The following WSCD2 variants were observed in gnomAD, a reference collection of about 807,000 sequenced individuals.
The protein encoded by WSCD2 is sialate:O-sulfotransferase 2.
A neutral mutation model predicts 55.7 loss-of-function variants in WSCD2; 28 were observed. The ratio of observed to expected loss-of-function variants is 0.50; its 90% CI spans 0.37 to 0.69. The LOEUF is 0.69. Among genes scored for constraint, WSCD2 ranks in the 30% least tolerant of loss-of-function variants. The probability of loss-of-function intolerance (pLI) is 0.00; values close to 1 mark genes in which losing one functional copy is unlikely to be tolerated. For synonymous variants in WSCD2, 301 were observed against 301.9 expected (o/e 1.00, Z 0.03); for missense variants, 616 against 762.1 (o/e 0.81, Z 2.26).
intron 1 of WSCD2, among the ~76,000 whole-genome samples, chr12:108,156,284 C>A (rs1878501143): frequency 6.6e-6 from 1 of 152,172 alleles, no homozygotes; most frequent in Admixed American, 6.5e-5. Context: ...CTCAGCCCAC[C>A]ATTTAGTACC....
At chr12:108,209,253 T>G (rs1885813558) in intron 3 of WSCD2, among the ~76,000 whole-genome samples, 1 of 152,188 alleles carries the variant, frequency 6.6e-6, no homozygotes, top group Non-Finnish European at 1.5e-5. Flanking sequence ...ATGTGTGAGC[T>G]CATTTTTGTC....
Position 108,129,842 on chromosome 12 carries a change from A to G in WSCD2, c.-636A>G, listed in dbSNP as rs1038682680. 6.6e-6 allele frequency: 1 copy of G among 152,200 alleles called. No individual in the cohort carries two copies. The highest frequency in any genetic ancestry group is 2.4e-5 in the African/African-American group (1 of 41,450). The allele number at this position is 152,200 out of a possible 1,614,324, so 9.4% of individuals were successfully genotyped here. ...AGGCGCCCACAGAGCGGGCGCGCCA[A>G]GCGGGACGCGGGAGTCGCAGAGAGG... is the stretch of plus-strand genomic sequence containing the variant. On this transcript the variant is annotated 5_prime_UTR_variant, in exon 1 of 9. Coordinates refer to ENST00000547525, the MANE Select transcript of WSCD2 (RefSeq NM_014653.4).
At chr12:108,180,418 A>G (rs1481489354) in intron 1 of WSCD2, among the ~76,000 whole-genome samples, 1 of 152,130 alleles carries the variant, frequency 6.6e-6, no homozygotes, top group Non-Finnish European at 1.5e-5. Context: ...TGTGCAGGAT[A>G]CTCTCGCTGT....
At chr12:108,147,550 C>T (rs1056551929) in intron 1 of WSCD2, among the ~76,000 whole-genome samples, 1 of 152,142 alleles carries the variant, frequency 6.6e-6, no homozygotes, top group African/African-American at 2.4e-5. Context: ...TTGGGCTGCC[C>T]TACTCATTTA....
At chr12:108,212,648 C>T (rs896648999) in intron 4 of WSCD2, among the ~76,000 whole-genome samples, 1 of 151,912 alleles carries the variant, frequency 6.6e-6, no homozygotes, top group African/African-American at 2.4e-5. Flanking sequence ...CAGACACACA[C>T]ACACACTGCT....
At chr12:108,238,880 C>T (rs1478177487) in intron 7 of WSCD2, among the ~76,000 whole-genome samples, 1 of 152,214 alleles carries the variant, frequency 6.6e-6, no homozygotes, top group Non-Finnish European at 1.5e-5. Flanking sequence ...CTGCCTGTTC[C>T]ATAGCTCTGT....
intron 1 of WSCD2, among the ~76,000 whole-genome samples, chr12:108,174,319 T>G (rs928783986): frequency 2.0e-5 from 3 of 152,200 alleles, no homozygotes; most frequent in Non-Finnish European, 4.4e-5. Flanking sequence ...ATTAAGAGAC[T>G]GGGCTCTGGT....
chr12:108,172,171 G>A (rs1372706900), intron 1 of WSCD2, among the ~76,000 whole-genome samples: 1 of 152,196 alleles, frequency 6.6e-6, no homozygotes, highest in Non-Finnish European at 1.5e-5. Context: ...TTACAGACAG[G>A]GGAATGGATG....
intron 1 of WSCD2, among the ~76,000 whole-genome samples, chr12:108,183,957 T>C (rs1275936284): frequency 6.6e-6 from 1 of 152,154 alleles, no homozygotes; most frequent in African/African-American, 2.4e-5. Context: ...ACAGGGTACA[T>C]GGAAGGGCCT....
chr12:108,167,831 T>C (rs1879817684), intron 1 of WSCD2, among the ~76,000 whole-genome samples: 1 of 152,218 alleles, frequency 6.6e-6, no homozygotes, highest in African/African-American at 2.4e-5. Context: ...ATGGGCCATG[T>C]TGATGGGCTT....
chr12:108,235,858 G>T (rs188640452), intron 7 of WSCD2, among the ~76,000 whole-genome samples: 50 of 152,238 alleles, frequency 3.3e-4, no homozygotes, highest in African/African-American at 1.1e-3. Context: ...CTCTCCCTGG[G>T]AGCTTGGAGT....
At chr12:108,216,854 C>T (rs1886899707) in intron 4 of WSCD2, among the ~76,000 whole-genome samples, 1 of 152,234 alleles carries the variant, frequency 6.6e-6, no homozygotes, top group Non-Finnish European at 1.5e-5. Flanking sequence ...CCCTGGCAGG[C>T]CCAGCCTGTC....
At chr12:108,221,380 C>A (rs1293690904) in intron 4 of WSCD2, among the ~76,000 whole-genome samples, 1 of 152,098 alleles carries the variant, frequency 6.6e-6, no homozygotes, top group Non-Finnish European at 1.5e-5. Context: ...CAGGGTTAAA[C>A]CCCATCTCTA....
intron 5 of WSCD2, among the ~76,000 whole-genome samples, chr12:108,226,658 A>G (rs1888127647): frequency 6.6e-6 from 1 of 152,180 alleles, no homozygotes; most frequent in South Asian, 2.1e-4. Context: ...TTGTTTCTAT[A>G]TTATGTGCAT....
chr12:108,247,889 C>T, intron 8 of WSCD2, 102 bp from the exon 9 acceptor site: 1 of 1,248,720 alleles, frequency 8.0e-7, no homozygotes, highest in Non-Finnish European at 1.1e-6. Flanking sequence ...AATTGTGTTA[C>T]CGTGTTGTGC....
At chr12:108,241,140 G>C (rs1445403014) in intron 8 of WSCD2, among the ~76,000 whole-genome samples, 1 of 152,172 alleles carries the variant, frequency 6.6e-6, no homozygotes, top group Admixed American at 6.5e-5. Flanking sequence ...GGAACTCTGG[G>C]TGGCGAGGCT....
intron 4 of WSCD2, among the ~76,000 whole-genome samples, chr12:108,222,475 A>G (rs1887635428): frequency 6.6e-6 from 1 of 152,246 alleles, no homozygotes; most frequent in African/African-American, 2.4e-5. Context: ...GATGACACAT[A>G]ATAGGTATTC....
At position 108,244,236 on chromosome 12, in the gene WSCD2, T is replaced by C. The variant is rs183175357; in HGVS notation, c.1345+3692T>C. On this transcript the variant is annotated intron_variant, in intron 8 of 8. Coordinates refer to ENST00000547525, the MANE Select transcript of WSCD2 (RefSeq NM_014653.4). ...TGCCCAGTTTGCAGACAGCAATCAA[T>C]GATCAGGAATCCTGAGTTAAACGAG... is the stretch of plus-strand genomic sequence containing the variant. Among the ~76,000 whole-genome samples the C allele has an allele frequency of 4.9e-3, 744 of 152,334 alleles. 3 individuals carry two copies. Among genetic ancestry groups the C allele is most frequent in the African/African-American group, 0.017 (698 of 41,568 alleles).
rs537120527 is a variant in WSCD2, at chr12:108,210,273, G to A, written c.650G>A (p.Arg217Gln). 66 of 1,602,936 alleles carry A rather than the reference G, an allele frequency of 4.1e-5. 1 individual carries two copies. In the Middle Eastern group the frequency reaches 5.0e-4, roughly 12 times the overall value. ...GGCGCCAACCGCCTCTCTGTCTACC[G>A]GCTGCAGCTGGCCCAGGAGTCGGCC... ...CGGANRLSVYRLQLAQESARR... is the reference protein window; with the variant it reads ...CGGANRLSVYQLQLAQESARR... Residue 217 changes from arginine (R) to glutamine (Q), a missense_variant, in exon 4 of 9, where the codon CGG becomes CAG. Physicochemically the swap from Arg to Gln is conservative, Grantham distance 43 (BLOSUM62 1). Transcript: ENST00000547525. This position sits in a 1 kb window ranked among gnomAD's most constrained non-coding sequence, Gnocchi z 4.3.
Sources: gnomAD v4.1 joint callset for allele counts (sites outside exome capture counted in the v4.1 genomes callset) on GRCh38, gnomAD v4.1.1 for gene constraint, Gnocchi (gnomAD v3.1) non-coding constraint, MANE v1.5 for transcripts, NCBI Gene and HGNC (gene_info 2026-07-23, HGNC 2026-07-21) for gene names.